Variants in HELZ2 observed in about 807,000 individuals in gnomAD.
HELZ2 encodes the protein helicase with zinc finger 2.
A neutral mutation model predicts 208.8 loss-of-function variants in HELZ2; 143 were observed. The ratio of observed to expected loss-of-function variants is 0.68; its 90% CI spans 0.60 to 0.79. The LOEUF (loss-of-function observed/expected upper bound fraction) is 0.79. Among genes scored for constraint, HELZ2 ranks in the 30% least tolerant of loss-of-function variants. HELZ2 has a pLI of 0.00. For missense variants in HELZ2, 3,690 were observed against 3,794.5 expected, an observed-to-expected ratio of 0.97 and a Z score of 0.72; for synonymous variants, 1,705 against 1,693.7, an observed-to-expected ratio of 1.01 and a Z score of -0.16.
exon 6 of HELZ2, chr20:63,567,111 A>C (rs115486724): frequency 1.2e-6 from 2 of 1,611,990 alleles, no homozygotes; most frequent in Non-Finnish European, 1.7e-6. Flanking sequence ...TGAAGCTGAC[A>C]ATGGCGTCCG....
rs764805027 is a variant in HELZ2 at position 63,562,066 on chromosome 20, C to T, written c.6529+6G>A. ...CAGCCTGCGGCTCCCCCGGCATGGG[C>T]CCTACCTGGTGGGCCCTGAATGACC... On this transcript the variant is annotated splice_donor_region_variant and intron_variant, in intron 10 of 18. Coordinates refer to ENST00000467148, the Ensembl canonical transcript of HELZ2. 1.3e-6 allele frequency: 2 copies of T among 1,565,252 alleles called. No individual in the cohort carries two copies. Among genetic ancestry groups the T allele is most frequent in the Non-Finnish European group, 1.7e-6 (2 of 1,150,032 alleles).
At chr20:63,565,438 C>A in exon 8 of HELZ2, 2 of 1,610,300 alleles carry the variant, frequency 1.2e-6, no homozygotes, top group Non-Finnish European at 1.7e-6. Context: ...AGTGGCGGTA[C>A]CGCTCGGGCT....
chr20:63,570,772 C>A, exon 2 of HELZ2: 1 of 1,610,920 alleles, frequency 6.2e-7, no homozygotes, highest in South Asian at 1.1e-5. Flanking sequence ...CCGCCTGCCC[C>A]CGCAGCTCCA....
chr20:63,565,073 A>T, exon 8 of HELZ2: 1 of 1,563,150 alleles, frequency 6.4e-7, no homozygotes. Flanking sequence ...CTCAAGCCCC[A>T]CACGCTGCAG....
In HELZ2 at chr20:63,566,971, G is replaced by A. The variant is rs79249043; in HGVS notation, c.2387C>T (p.Ala796Val). The change falls in exon 6 of 19, where the codon GCG becomes GTG. Residue 796 changes from alanine (A) to valine (V), a missense_variant. By Grantham distance (64) the Ala-to-Val change is moderately conservative. This residue lies in a region of HELZ2 where 1,119 missense variants were observed against 1,193.4 expected (regional missense o/e 0.94). Coordinates refer to ENST00000467148, the Ensembl canonical transcript of HELZ2. The stretch of plus-strand genomic sequence containing the variant: ...AATCTCAGCCAGATTCAGCCAGGAC[G>A]CCATGGACATGTCCCGGTCTGGGCT... 6.6e-5 allele frequency: 106 copies of A among 1,611,266 alleles called. No individual in the cohort carries two copies. The African/African-American group carries it at 1.1e-3, about 17-fold the overall frequency.
exon 8 of HELZ2, chr20:63,566,056 C>T (rs781398202): frequency 1.3e-6 from 2 of 1,588,662 alleles, no homozygotes; most frequent in Non-Finnish European, 1.7e-6. Context: ...TGCCGCAGGC[C>T]CCGAAGGAGC....
exon 8 of HELZ2, chr20:63,563,153 C>A: frequency 6.3e-7 from 1 of 1,593,312 alleles, no homozygotes; most frequent in Non-Finnish European, 8.5e-7. Context: ...GTGCTGCAGG[C>A]TGGTGCCGAG....
At chr20:63,559,496 G>A in intron 18 of HELZ2, 126 bp from the exon 20 acceptor site, 1 of 438,106 alleles carries the variant, frequency 2.3e-6, no homozygotes, top group Non-Finnish European at 3.8e-6. Context: ...GGTCAGGTGG[G>A]AGGAGTCAGG....
exon 8 of HELZ2, chr20:63,564,987 GGTA>G (rs1325618875): frequency 6.2e-7 from 1 of 1,601,384 alleles, no homozygotes; most frequent in Non-Finnish European, 8.5e-7. Context: ...ATGCCCAGCG[GGTA>G]GTAGAAGCCT....
At chr20:63,569,586 C>G in exon 4 of HELZ2, 1 of 1,579,486 alleles carries the variant, frequency 6.3e-7, no homozygotes, top group South Asian at 1.1e-5. Flanking sequence ...GTAGAGCCGG[C>G]CTGGCGGGAG....
At chr20:63,560,178 C>T (rs1426263701) in exon 17 of HELZ2, 1 of 1,546,056 alleles carries the variant, frequency 6.5e-7, no homozygotes, top group Non-Finnish European at 8.7e-7. Flanking sequence ...CACCCTGGCT[C>T]TTGGTGATGG....
exon 6 of HELZ2, chr20:63,567,222 G>A (rs557405894): frequency 1.8e-5 from 29 of 1,607,432 alleles, no homozygotes; most frequent in African/African-American, 5.3e-5. Flanking sequence ...GCGTGTGCTC[G>A]GCCGCCCGGG....
Position 63,563,166 on chromosome 20 carries a change from G to A in HELZ2, c.5656C>T (p.Gln1886Ter). The A allele has an allele frequency of 1.9e-6, 3 of 1,592,538 alleles. No individual in the cohort carries two copies. The highest frequency in any genetic ancestry group is 2.6e-6 in the Non-Finnish European group (3 of 1,175,088). The change falls in exon 8 of 19, where the codon CAG becomes TAG. Residue 1886 changes from glutamine to a stop codon, truncating the protein, a stop_gained. Coordinates refer to ENST00000467148, the Ensembl canonical transcript of HELZ2. LOFTEE classifies it high-confidence loss of function. ...CCGTGCTGCAGGCTGGTGCCGAGCT[G>A]CACCTGCAGGGTGTCCCCACTGCCC...
At chr20:63,567,398 G>A in exon 6 of HELZ2, 2 of 1,584,822 alleles carry the variant, frequency 1.3e-6, no homozygotes, top group Non-Finnish European at 1.7e-6. Flanking sequence ...GGCACCCTGA[G>A]CTCACGGGCC....
chr20:63,559,748 T>G (rs2082862584), intron 18 of HELZ2, among the ~76,000 whole-genome samples, 180 bp downstream of exon 19: 1 of 89,432 alleles, frequency 1.1e-5, no homozygotes, highest in Non-Finnish European at 2.2e-5. Context: ...GGAGTCAGGG[T>G]CAGGTGGGAG....
At chr20:63,560,687 A>G in exon 16 of HELZ2, 1 of 1,608,422 alleles carries the variant, frequency 6.2e-7, no homozygotes, top group Non-Finnish European at 8.5e-7. Flanking sequence ...GAAGGCACAG[A>G]TGCCCTCATG....
In HELZ2 at chr20:63,568,355, T is replaced by C. The variant is rs572538113; in HGVS notation, c.1730+3A>G. 33 of 1,607,840 alleles carry C rather than the reference T, an allele frequency of 2.1e-5. No homozygotes were observed. The South Asian group carries it at 2.7e-4, about 13-fold the overall frequency. On this transcript the variant is annotated splice_donor_region_variant and intron_variant, in intron 5 of 18. Transcript: ENST00000467148. ...GGTGGGGGCAGGCCAGGCTCGGGCTTACCTGTTGGTGTGTGTGCAGATGAG... is the reference window on the plus strand; with the variant it reads ...GGTGGGGGCAGGCCAGGCTCGGGCTCACCTGTTGGTGTGTGTGCAGATGAG...
exon 8 of HELZ2, chr20:63,565,745 G>C: frequency 6.2e-7 from 1 of 1,602,974 alleles, no homozygotes; most frequent in Non-Finnish European, 8.5e-7. Context: ...TGCGTCTCCT[G>C]CTGGTGCTGC....
chr20:63,561,258 A>G, exon 14 of HELZ2: 1 of 1,612,668 alleles, frequency 6.2e-7, no homozygotes, highest in East Asian at 2.2e-5. Flanking sequence ...CGAGCCTCCC[A>G]CAAGACCTTC....
Sources: allele counts gnomAD v4.1 joint callset (sites outside exome capture counted in the v4.1 genomes callset), GRCh38; gene constraint gnomAD v4.1.1; regional missense constraint gnomAD v4.1.1; transcripts MANE v1.5; gene names NCBI Gene and HGNC (gene_info 2026-07-23, HGNC 2026-07-21).